CCSER2: variants seen among roughly 807,000 people sequenced by gnomAD.
CCSER2 encodes the protein coiled-coil serine rich protein 2.
Under a neutral mutation model 92.3 loss-of-function variants are expected in CCSER2, and 46 were observed. The ratio of observed to expected loss-of-function variants is 0.50; its 90% CI spans 0.39 to 0.64. CCSER2 has a LOEUF of 0.64. CCSER2 is among the 30% of genes least tolerant of loss of function. The probability of loss-of-function intolerance (pLI) is 0.00; values close to 1 mark genes in which losing one functional copy is unlikely to be tolerated. For missense variants in CCSER2, 1,244 were observed against 1,238.9 expected, an observed-to-expected ratio of 1.00 and a Z score of -0.06; for synonymous variants, 433 against 431.4, an observed-to-expected ratio of 1.00 and a Z score of -0.04.
intron 5 of CCSER2, among the ~76,000 whole-genome samples, chr10:84,436,981 A>G (rs76091797): frequency 6.6e-6 from 1 of 152,290 alleles, no homozygotes; most frequent in East Asian, 1.9e-4. Flanking sequence ...TGCACATTTA[A>G]TGCATTATGA....
At chr10:84,428,771 G>T (rs1843581519) in intron 5 of CCSER2, among the ~76,000 whole-genome samples, 2 of 152,158 alleles carry the variant, frequency 1.3e-5, no homozygotes, top group South Asian at 4.1e-4. Context: ...TCAGTTTGAA[G>T]TTCCCTTCCA....
chr10:84,376,222 G>T (rs1389308729), intron 3 of CCSER2, among the ~76,000 whole-genome samples: 1 of 152,070 alleles, frequency 6.6e-6, no homozygotes, highest in Admixed American at 6.6e-5. Flanking sequence ...TTGTTTACAT[G>T]CTACCAGTAT....
intron 3 of CCSER2, among the ~76,000 whole-genome samples, chr10:84,396,899 TATTC>T (rs1417407477): frequency 1.3e-5 from 2 of 152,240 alleles, no homozygotes; most frequent in Admixed American, 1.3e-4. Context: ...GTGCATTGTT[TATTC>T]AATTACTCTC....
chr10:84,421,240 C>T (rs888775834), intron 4 of CCSER2, among the ~76,000 whole-genome samples: 5 of 152,128 alleles, frequency 3.3e-5, no homozygotes, highest in African/African-American at 9.7e-5. Flanking sequence ...TCTGGACTTT[C>T]GTGAGTTAGG....
Position 84,514,766 on chromosome 10 carries a change from A to G in CCSER2, c.*499A>G, listed in dbSNP as rs1564742093. 6.5e-6 allele frequency: 1 copy of G among 154,060 alleles called. No individual in the cohort carries two copies. The highest frequency in any genetic ancestry group is 2.4e-5 in the African/African-American group (1 of 41,468). 9.5% of individuals were successfully genotyped at this position (154,060 alleles called of 1,614,324 possible). A position where few individuals can be genotyped will look rare whatever the true frequency, so the allele number is the denominator to read the frequency against. On this transcript the variant is annotated 3_prime_UTR_variant, in exon 10 of 10. Coordinates refer to ENST00000372088, the MANE Select transcript of CCSER2 (RefSeq NM_001284240.2). ...AGTGTTTTGTATATTTAAAAGGTCT[A>G]TGCAAAAGCTTTGTGATGAATAAAG...
intron 5 of CCSER2, among the ~76,000 whole-genome samples, chr10:84,436,846 A>G (rs1844188571): frequency 1.3e-5 from 2 of 152,174 alleles, no homozygotes; most frequent in Admixed American, 1.3e-4. Context: ...TCTTGTAAAA[A>G]TCGACCTCAT....
chr10:84,421,386 G>A (rs1195730484), intron 4 of CCSER2, among the ~76,000 whole-genome samples: 3 of 152,132 alleles, frequency 2.0e-5, no homozygotes, highest in Non-Finnish European at 1.5e-5. Context: ...GCATGGTTGG[G>A]GAGGCCTCAG....
chr10:84,387,090 A>G (rs1001447779), intron 3 of CCSER2, among the ~76,000 whole-genome samples: 8 of 152,172 alleles, frequency 5.3e-5, no homozygotes, highest in African/African-American at 1.9e-4. Flanking sequence ...ATCAAAAAAA[A>G]ATCTGTATCC....
At chr10:84,342,779 C>T (rs1844268831) in intron 1 of CCSER2, among the ~76,000 whole-genome samples, 1 of 152,172 alleles carries the variant, frequency 6.6e-6, no homozygotes, top group Non-Finnish European at 1.5e-5. Flanking sequence ...TATCTGTTGA[C>T]ATAGTTCTTA....
chr10:84,406,576 A>G (rs1326466241), intron 3 of CCSER2, among the ~76,000 whole-genome samples: 1 of 152,190 alleles, frequency 6.6e-6, no homozygotes, highest in Non-Finnish European at 1.5e-5. Flanking sequence ...ATATGTGCTC[A>G]GAGTTTTAAT....
Position 84,514,411 on chromosome 10 carries a change from G to C in CCSER2, c.*144G>C. On this transcript the variant is annotated 3_prime_UTR_variant, in exon 10 of 10. Coordinates refer to ENST00000372088, the MANE Select transcript of CCSER2 (RefSeq NM_001284240.2). ...AATTAAAATGTGGAAGCTTCTACTA[G>C]TTTGGCTCCTTCATTTTATATCCTG... The C allele has an allele frequency of 1.6e-6, 1 of 631,634 alleles. No individual in the cohort carries two copies. The highest frequency in any genetic ancestry group is 2.7e-6 in the Non-Finnish European group (1 of 372,718). The allele number at this position is 631,634 out of a possible 1,614,324, so 39.1% of individuals were successfully genotyped here. A position where few individuals can be genotyped will look rare whatever the true frequency, so the allele number is the denominator to read the frequency against.
In CCSER2 at chr10:84,372,390, A is replaced by G; in HGVS notation, c.1338A>G (p.Pro446=). Residue 446 remains proline, a synonymous_variant, in exon 2 of 10, where the codon CCA becomes CCG. Transcript: ENST00000372088. ...AAGAGAAACATGAAAATGGGCCACCACAGGATATGTTTGATTCCCCCAAGG... is the reference window on the plus strand; with the variant it reads ...AAGAGAAACATGAAAATGGGCCACCGCAGGATATGTTTGATTCCCCCAAGG... ...LKEEKHENGP[P]QDMFDSPKEN... 1 of 1,610,494 alleles carries G rather than the reference A, an allele frequency of 6.2e-7. No homozygotes were observed. The highest frequency in any genetic ancestry group is 8.5e-7 in the Non-Finnish European group (1 of 1,178,896).
rs188353950 is a variant in CCSER2, at chr10:84,387,050, T to C, written c.1614+13235T>C. Among the ~76,000 whole-genome samples the C allele has an allele frequency of 1.3e-4, 20 of 152,302 alleles. No homozygotes were observed. In the East Asian group the frequency reaches 3.7e-3, roughly 28 times the overall value. Reference sequence around the variant, plus strand: ...ACCTCACCATTATGCAACATGTTCATGGAGTAAACTTACACATCATGAATC... The same window carrying C: ...ACCTCACCATTATGCAACATGTTCACGGAGTAAACTTACACATCATGAATC... On this transcript the variant is annotated intron_variant, in intron 3 of 9. Transcript: ENST00000372088.
chr10:84,416,823 C>T (rs1285028091), intron 3 of CCSER2, among the ~76,000 whole-genome samples: 3 of 151,860 alleles, frequency 2.0e-5, no homozygotes, highest in South Asian at 2.1e-4. Flanking sequence ...CCCAGCTACT[C>T]GGGAGGCTGA....
At chr10:84,442,462 A>G (rs897814910) in intron 6 of CCSER2, among the ~76,000 whole-genome samples, 6 of 152,206 alleles carry the variant, frequency 3.9e-5, no homozygotes, top group Admixed American at 1.3e-4. Flanking sequence ...GGCTGTATGT[A>G]TATTATGATC....
intron 4 of CCSER2, among the ~76,000 whole-genome samples, chr10:84,421,440 T>C (rs1172155028): frequency 2.0e-5 from 3 of 152,128 alleles, no homozygotes; most frequent in African/African-American, 7.2e-5. Context: ...CATGTCCTTC[T>C]TCACATGGCA....
chr10:84,477,922 T>C (rs533686104), intron 9 of CCSER2, among the ~76,000 whole-genome samples: 1 of 152,336 alleles, frequency 6.6e-6, no homozygotes, highest in East Asian at 1.9e-4. Context: ...GCGTGTCTAC[T>C]CTCCTCTTAT....
At chr10:84,392,052 C>T (rs1364623878) in intron 3 of CCSER2, 12 of 1,128,220 alleles carry the variant, frequency 1.1e-5, no homozygotes, top group African/African-American at 1.5e-5. Flanking sequence ...GTGTTTAATA[C>T]ACTTAAGCTG....
At chr10:84,335,997 T>C (rs2132982555) in intron 1 of CCSER2, among the ~76,000 whole-genome samples, 1 of 152,314 alleles carries the variant, frequency 6.6e-6, no homozygotes, top group Non-Finnish European at 1.5e-5. Flanking sequence ...GATGGCCATC[T>C]TTCTGTTTTG....
Sources: allele counts gnomAD v4.1 joint callset (sites outside exome capture counted in the v4.1 genomes callset), GRCh38; gene constraint gnomAD v4.1.1; transcripts MANE v1.5; gene names NCBI Gene and HGNC (gene_info 2026-07-23, HGNC 2026-07-21).